SLC22A6: variants seen among roughly 807,000 people sequenced by gnomAD.
The protein encoded by SLC22A6 is solute carrier family 22 member 6.
Under a neutral mutation model 56.7 loss-of-function variants are expected in SLC22A6, and 45 were observed. The ratio of observed to expected loss-of-function variants is 0.79; its 90% CI spans 0.63 to 1.02. The LOEUF (loss-of-function observed/expected upper bound fraction) is 1.02, where lower values mean the gene tolerates loss of function less well. Among genes scored for constraint, SLC22A6 ranks in the 50% least tolerant of loss-of-function variants. The probability of loss-of-function intolerance (pLI) is 0.00; values close to 1 mark genes in which losing one functional copy is unlikely to be tolerated. For synonymous variants in SLC22A6, 291 were observed against 295.9 expected (o/e 0.98, Z 0.17); for missense variants, 606 against 713.8 (o/e 0.85, Z 1.72).
chr11:62,977,427 A>G (rs3017670), intron 8 of SLC22A6, 40 bp from the exon 9 acceptor site: 1,334,857 of 1,571,052 alleles, frequency 0.85, 568,305 homozygotes, highest in African/African-American at 0.95. Context: ...TTAGAGTTCC[A>G]GCATGAATGC....
Position 62,979,921 on chromosome 11 carries a change from C to A in SLC22A6, c.1065G>T (p.Gly355=). The A allele has an allele frequency of 6.2e-7, 1 of 1,614,002 alleles. No individual in the cohort carries two copies. The highest frequency in any genetic ancestry group is 8.5e-7 in the Non-Finnish European group (1 of 1,179,916). ...CAAAGCCCTGCAGGTCCATGACCAG[C>A]CCATAGTATGCAAAGCTAGTGGCAA... ...LWFATSFAYY[G]LVMDLQGFGV... is the part of the protein sequence containing the mutation. The change falls in exon 7 of 10, where the codon GGG becomes GGT. Residue 355 remains glycine, a synonymous_variant. Coordinates refer to ENST00000360421, the MANE Select transcript of SLC22A6 (RefSeq NM_153276.3).
In SLC22A6 at chr11:62,984,909, T is replaced by G; in HGVS notation, c.-219A>C. 1.8e-6 allele frequency: 1 copy of G among 557,018 alleles called. No homozygotes were observed. The highest frequency in any genetic ancestry group is 3.2e-6 in the Non-Finnish European group (1 of 313,958). 34.5% of individuals were successfully genotyped at this position (557,018 alleles called of 1,614,324 possible). A position where few individuals can be genotyped will look rare whatever the true frequency, so the allele number is the denominator to read the frequency against. ...GGTCTCCCTGATCTGTCCCTCCCTTTTCCCTTGCAGCTTCTCCTCACTTTG... is the reference window on the plus strand; with the variant it reads ...GGTCTCCCTGATCTGTCCCTCCCTTGTCCCTTGCAGCTTCTCCTCACTTTG... On this transcript the variant is annotated 5_prime_UTR_variant, in exon 1 of 10. Transcript: ENST00000360421.
In SLC22A6 at chr11:62,983,979, C is replaced by A. The variant is rs201208422; in HGVS notation, c.438G>T (p.Leu146=). The A allele has an allele frequency of 7.4e-6, 12 of 1,613,858 alleles. No homozygotes were observed. The East Asian group carries it at 2.5e-4, about 33-fold the overall frequency. The change falls in exon 2 of 10, where the codon CTG becomes CTT. Residue 146 remains leucine (L), a synonymous_variant. Coordinates refer to ENST00000360421, the MANE Select transcript of SLC22A6 (RefSeq NM_153276.3). The surrounding 1 kb of genome is among the most constrained non-coding windows in gnomAD (Gnocchi z 4.5). ...GGTAGCCGAACACCATGGCTCCGAG[C>A]AGCACCCCCACCATGTACAAGGACT... ...LAQSLYMVGV[L]LGAMVFGYLA...
Position 62,976,813 on chromosome 11 carries a change from T to C in SLC22A6, c.1634A>G (p.Gln545Arg), listed in dbSNP as rs1340172292. Reference protein sequence around the residue: ...KYMVPLQASAQEKNGL With the variant: ...KYMVPLQASAREKNGL ...CAGTCCTCAGAGTCCATTCTTCTCT[T>C]GTGCTGAGGCCTGCAGTGGGACCAT... The change falls in exon 10 of 10, where the codon CAA becomes CGA. Residue 545 changes from glutamine to arginine, a missense_variant. Coordinates refer to ENST00000360421, the MANE Select transcript of SLC22A6 (RefSeq NM_153276.3). 6.2e-7 allele frequency: 1 copy of C among 1,613,818 alleles called. No individual in the cohort carries two copies. Among genetic ancestry groups the C allele is most frequent in the Non-Finnish European group, 8.5e-7 (1 of 1,179,904 alleles).
Position 62,979,920 on chromosome 11 carries a change from G to A in SLC22A6, c.1066C>T (p.Leu356=), listed in dbSNP as rs766028437. ...CCAAAGCCCTGCAGGTCCATGACCAGCCCATAGTATGCAAAGCTAGTGGCA... is the reference window on the plus strand; with the variant it reads ...CCAAAGCCCTGCAGGTCCATGACCAACCCATAGTATGCAAAGCTAGTGGCA... ...WFATSFAYYG[L]VMDLQGFGVS... Residue 356 remains leucine (L), a synonymous_variant, in exon 7 of 10, where the codon CTG becomes TTG. Transcript: ENST00000360421. The A allele has an allele frequency of 7.4e-6, 12 of 1,613,964 alleles. No homozygotes were observed. Among genetic ancestry groups the A allele is most frequent in the Non-Finnish European group, 8.5e-6 (10 of 1,179,928 alleles).
At position 62,984,679 on chromosome 11, in the gene SLC22A6, A is replaced by G. The variant is rs770812808; in HGVS notation, c.12T>C (p.Asn4=). ...CACCCCCCACCTGCTGCAGGAGGTC[A>G]TTAAAGGCCATTGGGCCAGGCCCAG... The part of the protein sequence containing the change: MAF[N]DLLQQVGGVG... The change falls in exon 1 of 10, where the codon AAT becomes AAC. Residue 4 remains asparagine (N), a synonymous_variant. Transcript: ENST00000360421. 3.7e-6 allele frequency: 6 copies of G among 1,612,734 alleles called. No individual in the cohort carries two copies. In the African/African-American group the frequency reaches 6.7e-5, roughly 18 times the overall value.
rs747925396 is a variant in SLC22A6, at chr11:62,984,502, C to T, written c.189G>A (p.Leu63=). The change falls in exon 1 of 10, where the codon CTG becomes CTA. Residue 63 remains leucine (L), a synonymous_variant. Transcript: ENST00000360421. ...ADANLSKNGG[L]EVWLPRDRQG... is the part of the protein sequence containing the mutation. ...GCCTGTCCCGGGGCAGCCAGACCTC[C>T]AGCCCCCCGTTCTTGCTGAGGTTGG... The T allele has an allele frequency of 9.3e-6, 15 of 1,613,862 alleles. 2 individuals are homozygous for T. The South Asian group carries it at 1.5e-4, about 17-fold the overall frequency.
At chr11:62,982,670 T>G (rs2086269035) in intron 3 of SLC22A6, among the ~76,000 whole-genome samples, 1 of 152,210 alleles carries the variant, frequency 6.6e-6, no homozygotes, top group African/African-American at 2.4e-5. Context: ...TTTCCCTTCT[T>G]CTTGGCCTTG....
rs2086292487 is a variant in SLC22A6 at position 62,984,361 on chromosome 11, G to C, written c.330C>G (p.Ile110Met). The change falls in exon 1 of 10, where the codon ATC becomes ATG. Residue 110 changes from isoleucine to methionine, a missense_variant. Coordinates refer to ENST00000360421, the MANE Select transcript of SLC22A6 (RefSeq NM_153276.3). Reference protein sequence around the residue: ...GATEPCTDGWIYDNSTFPSTI... With the variant: ...GATEPCTDGWMYDNSTFPSTI... ...TAGATGGGAAGGTGCTGTTGTCATAGATCCAGCCATCGGTGCAGGGCTCTG... is the reference window on the plus strand; with the variant it reads ...TAGATGGGAAGGTGCTGTTGTCATACATCCAGCCATCGGTGCAGGGCTCTG... 6.2e-7 allele frequency: 1 copy of C among 1,613,770 alleles called. No homozygotes were observed. The highest frequency in any genetic ancestry group is 8.5e-7 in the Non-Finnish European group (1 of 1,179,980).
rs1303357001 is a variant in SLC22A6 at position 62,984,898 on chromosome 11, G to A, written c.-208C>T. 1.7e-6 allele frequency: 1 copy of A among 586,088 alleles called. No homozygotes were observed. Among genetic ancestry groups the A allele is most frequent in the Non-Finnish European group, 3.0e-6 (1 of 331,784 alleles). 36.3% of individuals were successfully genotyped at this position (586,088 alleles called of 1,614,324 possible). ...CCTTCTTCCCCGGTCTCCCTGATCT[G>A]TCCCTCCCTTTTCCCTTGCAGCTTC... On this transcript the variant is annotated 5_prime_UTR_variant, in exon 1 of 10. Coordinates refer to ENST00000360421, the MANE Select transcript of SLC22A6 (RefSeq NM_153276.3).
Position 62,977,200 on chromosome 11 carries a change from G to C in SLC22A6, c.1549C>G (p.Gln517Glu), listed in dbSNP as rs771696577. Reference sequence around the variant, plus strand: ...GGGGCCCACCTGCTCTCCAGGTCCTGCACCGTGTCTGGCAGTGGCTGGCCC... The same window carrying C: ...GGGGCCCACCTGCTCTCCAGGTCCTCCACCGTGTCTGGCAGTGGCTGGCCC... ...TLGQPLPDTV[Q>E]DLESRKGKQT... Residue 517 changes from glutamine to glutamate, a missense_variant, in exon 9 of 10, where the codon CAG becomes GAG. Gln to Glu is a conservative substitution (Grantham distance 29, BLOSUM62 2). Transcript: ENST00000360421. 2 of 1,614,212 alleles carry C rather than the reference G, an allele frequency of 1.2e-6. No homozygotes were observed. Among genetic ancestry groups the C allele is most frequent in the South Asian group, 2.2e-5 (2 of 91,088 alleles).
chr11:62,982,669 T>C (rs961140349), intron 3 of SLC22A6, among the ~76,000 whole-genome samples: 1 of 152,250 alleles, frequency 6.6e-6, no homozygotes, highest in Non-Finnish European at 1.5e-5. Context: ...CTTTCCCTTC[T>C]TCTTGGCCTT....
intron 8 of SLC22A6, 86 bp from the exon 9 acceptor site, chr11:62,977,473 G>C: frequency 6.8e-7 from 1 of 1,465,110 alleles, no homozygotes; most frequent in African/African-American, 1.4e-5. Flanking sequence ...TGGCAGCTCA[G>C]GCTCAGCCCC....
intron 9 of SLC22A6, 57 bp from the exon 10 acceptor site, chr11:62,976,938 G>A (rs1227587170): frequency 1.3e-6 from 2 of 1,590,922 alleles, no homozygotes; most frequent in East Asian, 2.2e-5. Flanking sequence ...CCAGGGCCGG[G>A]ATATGGAGGC....
rs143106644 is a variant in SLC22A6, at chr11:62,979,985, G to A, written c.1038-37C>T. On this transcript the variant is annotated intron_variant, in intron 6 of 9. Coordinates refer to ENST00000360421, the MANE Select transcript of SLC22A6 (RefSeq NM_153276.3). The stretch of plus-strand genomic sequence containing the variant: ...AAGAGAGGAGTATGGAGTTTGTTAG[G>A]AAGGCTTAAAGTGGGGTGCTCTTTC... 1.9e-3 allele frequency: 2,882 copies of A among 1,521,782 alleles called. 7 individuals carry two copies. Among genetic ancestry groups the A allele is most frequent in the Non-Finnish European group, 2.4e-3 (2,644 of 1,096,598 alleles). 94.3% of individuals were successfully genotyped at this position (1,521,782 alleles called of 1,614,324 possible). A position where few individuals can be genotyped will look rare whatever the true frequency, so the allele number is the denominator to read the frequency against.
chr11:62,982,443 C>A (rs988793955), intron 3 of SLC22A6, among the ~76,000 whole-genome samples: 90 of 152,134 alleles, frequency 5.9e-4, no homozygotes, highest in African/African-American at 1.9e-3. Flanking sequence ...GTGGGACCAC[C>A]TCTCTGGTGT....
chr11:62,976,842 C>T lies in SLC22A6; in HGVS notation c.1605G>A (p.Lys535=). The part of the protein sequence containing the change: ...KQTRQQQEHQ[K]YMVPLQASAQ... Reference sequence around the variant, plus strand: ...CTGAGGCCTGCAGTGGGACCATATACTTCTGGTGCTCTTGTTGCTGTCGCG... The same window carrying T: ...CTGAGGCCTGCAGTGGGACCATATATTTCTGGTGCTCTTGTTGCTGTCGCG... The change falls in exon 10 of 10, where the codon AAG becomes AAA. Residue 535 remains lysine, a synonymous_variant. Coordinates refer to ENST00000360421, the MANE Select transcript of SLC22A6 (RefSeq NM_153276.3). 2 of 1,614,112 alleles carry T rather than the reference C, an allele frequency of 1.2e-6. No individual in the cohort carries two copies. The highest frequency in any genetic ancestry group is 1.1e-5 in the South Asian group (1 of 91,044).
chr11:62,983,986 C>T lies in SLC22A6; in HGVS notation c.431G>A (p.Gly144Glu), dbSNP rs2086286618. 3 of 1,613,992 alleles carry T rather than the reference C, an allele frequency of 1.9e-6. No homozygotes were observed. The East Asian group carries it at 6.7e-5, about 36-fold the overall frequency. Residue 144 changes from glycine (G) to glutamate (E), a missense_variant, in exon 2 of 10, where the codon GGG becomes GAG. Coordinates refer to ENST00000360421, the MANE Select transcript of SLC22A6 (RefSeq NM_153276.3). This position sits in a 1 kb window ranked among gnomAD's most constrained non-coding sequence, Gnocchi z 4.5. ...GAACACCATGGCTCCGAGCAGCACCCCCACCATGTACAAGGACTGGGCCAG... is the reference window on the plus strand; with the variant it reads ...GAACACCATGGCTCCGAGCAGCACCTCCACCATGTACAAGGACTGGGCCAG... ...RQLAQSLYMV[G>E]VLLGAMVFGY...
At position 62,983,034 on chromosome 11, in the gene SLC22A6, G is replaced by A. The variant is rs1254262418; in HGVS notation, c.628+503C>T. Among the ~76,000 whole-genome samples, 2 of 150,620 alleles carry A rather than the reference G, an allele frequency of 1.3e-5. No homozygotes were observed. The highest frequency in any genetic ancestry group is 4.9e-5 in the African/African-American group (2 of 41,016). On this transcript the variant is annotated intron_variant, in intron 3 of 9. Transcript: ENST00000360421. The surrounding 1 kb of genome is among the most constrained non-coding windows in gnomAD (Gnocchi z 4.5). The stretch of plus-strand genomic sequence containing the variant: ...ATGATCTGCTGGCTCTAACAATGGA[G>A]TTTGCAATCCTGCTTTTTTTTTTTT...
Sources: gnomAD v4.1 joint callset for allele counts (sites outside exome capture counted in the v4.1 genomes callset) on GRCh38, gnomAD v4.1.1 for gene constraint, Gnocchi (gnomAD v3.1) non-coding constraint, MANE v1.5 for transcripts, NCBI Gene and HGNC (gene_info 2026-07-23, HGNC 2026-07-21) for gene names.